The following NUP214 variants were observed in gnomAD, a reference collection of about 807,000 sequenced individuals.
NUP214 encodes the protein nuclear pore complex protein Nup214.
Under a neutral mutation model 196.2 loss-of-function variants are expected in NUP214, and 79 were observed. That is an observed-to-expected ratio of 0.40 (90% CI 0.34 to 0.49). NUP214 has a LOEUF of 0.49. Ranked by LOEUF, NUP214 falls within the 20% of genes least tolerant of loss-of-function variation. NUP214 has a pLI of 0.58. For missense variants in NUP214, 2,468 were observed against 2,539.0 expected, an observed-to-expected ratio of 0.97 and a Z score of 0.60; for synonymous variants, 1,020 against 990.5, an observed-to-expected ratio of 1.03 and a Z score of -0.56.
intron 24 of NUP214, among the ~76,000 whole-genome samples, chr9:131,185,932 G>A (rs1290366802): frequency 2.6e-5 from 4 of 152,270 alleles, no homozygotes; most frequent in African/African-American, 9.6e-5. Flanking sequence ...AATTCTGGCT[G>A]TAAAAAATTT....
chr9:131,221,896 T>C (rs1834567668), intron 31 of NUP214, among the ~76,000 whole-genome samples: 1 of 151,974 alleles, frequency 6.6e-6, no homozygotes, highest in African/African-American at 2.4e-5. Flanking sequence ...TGCTATATTA[T>C]CTGAGTGACA....
intron 35 of NUP214, among the ~76,000 whole-genome samples, 162 bp from the exon 36 acceptor site, chr9:131,233,292 C>T (rs573505088): frequency 2.8e-4 from 42 of 152,168 alleles, no homozygotes; most frequent in African/African-American, 9.6e-4. Context: ...GCTGAGATCA[C>T]GCCACTGCAC....
At chr9:131,135,271 G>T (rs542279443) in intron 8 of NUP214, 109 of 384,130 alleles carry the variant, frequency 2.8e-4, no homozygotes, top group African/African-American at 2.0e-3. Context: ...TAAGTTTTTT[G>T]GTTTTTGTTT....
At chr9:131,133,684 G>A (rs1452126099) in intron 7 of NUP214, 1 of 152,220 alleles carries the variant, frequency 6.6e-6, no homozygotes, top group Non-Finnish European at 1.5e-5. Flanking sequence ...TGGGCCAGGG[G>A]TCTAAAATTG....
intron 26 of NUP214, chr9:131,191,567 T>C (rs1833603132): frequency 6.6e-6 from 1 of 152,140 alleles, no homozygotes; most frequent in Non-Finnish European, 1.5e-5. Context: ...ATGGGGAGAA[T>C]GATGGATTGC....
chr9:131,159,346 A>G, intron 17 of NUP214, 37 bp from the exon 18 acceptor site: 1 of 1,504,738 alleles, frequency 6.6e-7, no homozygotes. Flanking sequence ...AACTATCAGA[A>G]AAACAAGTTA....
intron 1 of NUP214, chr9:131,126,080 G>A (rs1831338491): frequency 8.2e-6 from 3 of 363,876 alleles, no homozygotes; most frequent in Non-Finnish European, 1.5e-5. Flanking sequence ...CGAAGTAGTC[G>A]TTAACGTAGA....
rs182092503 is a variant in NUP214 at position 131,222,764 on chromosome 9, C to G, written c.5750-14C>G. On this transcript the variant is annotated splice_polypyrimidine_tract_variant and intron_variant, in intron 31 of 35. Coordinates refer to ENST00000359428, the MANE Select transcript of NUP214 (RefSeq NM_005085.4). ...TGTCTCCCTCTGACCTCCCTCACAT[C>G]TTCATCTCTTCAGATACCTCTAACC... The G allele has an allele frequency of 6.2e-7, 1 of 1,609,648 alleles. No homozygotes were observed. The highest frequency in any genetic ancestry group is 1.7e-5 in the Admixed American group (1 of 59,828).
chr9:131,185,660 A>G (rs2131020641), intron 24 of NUP214, among the ~76,000 whole-genome samples: 1 of 152,260 alleles, frequency 6.6e-6, no homozygotes, highest in Non-Finnish European at 1.5e-5. Context: ...TTTGTTTGAG[A>G]GTATACTGTT....
At chr9:131,224,409 C>G (rs1452290995) in intron 32 of NUP214, among the ~76,000 whole-genome samples, 6 of 152,134 alleles carry the variant, frequency 3.9e-5, no homozygotes, top group East Asian at 1.9e-4. Flanking sequence ...GACAGGTGGT[C>G]CAGGGTGGGC....
In NUP214 at chr9:131,233,636, G is replaced by T. The variant is rs548735255; in HGVS notation, c.*149G>T. On this transcript the variant is annotated 3_prime_UTR_variant, in exon 36 of 36. Coordinates refer to ENST00000359428, the MANE Select transcript of NUP214 (RefSeq NM_005085.4). Reference sequence around the variant, plus strand: ...CAACAGAAACCAAAACTCACAAGGCGCATGATTACTTGTTTTATATTTCAT... The same window carrying T: ...CAACAGAAACCAAAACTCACAAGGCTCATGATTACTTGTTTTATATTTCAT... The T allele has an allele frequency of 1.8e-5, 14 of 798,030 alleles. No individual in the cohort carries two copies. Among genetic ancestry groups the T allele is most frequent in the Non-Finnish European group, 3.0e-5 (14 of 474,076 alleles). 49.4% of individuals were successfully genotyped at this position (798,030 alleles called of 1,614,324 possible).
At chr9:131,183,925 C>G (rs1302382893) in intron 24 of NUP214, among the ~76,000 whole-genome samples, 1 of 151,310 alleles carries the variant, frequency 6.6e-6, no homozygotes, top group Non-Finnish European at 1.5e-5. Context: ...AATTTGTAAC[C>G]TTTTCAGCTT....
At chr9:131,143,238 G>T (rs1184914280) in intron 11 of NUP214, among the ~76,000 whole-genome samples, 2 of 151,960 alleles carry the variant, frequency 1.3e-5, no homozygotes, top group Non-Finnish European at 2.9e-5. Flanking sequence ...CAAACTCCTG[G>T]ACTCAAAGGG....
At chr9:131,133,077 T>C (rs1339782938) in intron 6 of NUP214, 29 bp from the exon 7 acceptor site, 6 of 1,502,646 alleles carry the variant, frequency 4.0e-6, no homozygotes, top group African/African-American at 1.4e-5. Context: ...GTCATTTTTA[T>C]GAGCTACTGA....
intron 26 of NUP214, chr9:131,191,922 T>C: frequency 4.1e-6 from 1 of 245,770 alleles, no homozygotes; most frequent in Non-Finnish European, 7.7e-6. Context: ...AACTGTACAT[T>C]TAAACTATAC....
intron 18 of NUP214, among the ~76,000 whole-genome samples, chr9:131,161,493 G>A (rs765033626): frequency 8.6e-5 from 13 of 152,008 alleles, no homozygotes; most frequent in Non-Finnish European, 1.8e-4. Flanking sequence ...TCCTGACCTC[G>A]TGATCCACCC....
chr9:131,152,149 C>T (rs1037829220), intron 17 of NUP214, among the ~76,000 whole-genome samples: 1 of 152,142 alleles, frequency 6.6e-6, no homozygotes, highest in Non-Finnish European at 1.5e-5. Flanking sequence ...TCTTCTCACT[C>T]TGTTGCCCAG....
At chr9:131,187,705 T>C (rs1260981987) in intron 25 of NUP214, among the ~76,000 whole-genome samples, 1 of 152,196 alleles carries the variant, frequency 6.6e-6, no homozygotes, top group African/African-American at 2.4e-5. Flanking sequence ...ACTTTTAACA[T>C]TCATGCCGTG....
intron 10 of NUP214, among the ~76,000 whole-genome samples, chr9:131,139,770 A>C (rs1182254648): frequency 6.6e-6 from 1 of 152,176 alleles, no homozygotes; most frequent in African/African-American, 2.4e-5. Flanking sequence ...GCAATACCCG[A>C]ATCTGGTACT....
Sources: allele counts gnomAD v4.1 joint callset (sites outside exome capture counted in the v4.1 genomes callset), GRCh38; gene constraint gnomAD v4.1.1; transcripts MANE v1.5; gene names NCBI Gene and HGNC (gene_info 2026-07-23, HGNC 2026-07-21).